The following TAX1BP1 variants were observed in gnomAD, a reference collection of about 807,000 sequenced individuals.
TAX1BP1 encodes Tax1 binding protein 1, also known as tax1-binding protein 1.
Under a neutral mutation model 97.7 loss-of-function variants are expected in TAX1BP1, and 62 were observed. The observed-to-expected ratio is 0.63, with a 90% confidence interval of 0.52 to 0.78. TAX1BP1 has a LOEUF of 0.78. Among genes scored for constraint, TAX1BP1 ranks in the 30% least tolerant of loss-of-function variants. The pLI is 0.00. For synonymous variants in TAX1BP1, 340 were observed against 304.2 expected, an observed-to-expected ratio of 1.12 and a Z score of -1.23; for missense variants, 867 against 916.1, an observed-to-expected ratio of 0.95 and a Z score of 0.69.
intron 5 of TAX1BP1, 23 bp from the exon 6 acceptor site, chr7:27,785,140 A>T: frequency 1.9e-6 from 3 of 1,578,488 alleles, no homozygotes; most frequent in Non-Finnish European, 2.6e-6. Context: ...GTTTTCTCAA[A>T]ATACCTTGTT....
intron 5 of TAX1BP1, among the ~76,000 whole-genome samples, chr7:27,779,027 T>A (rs557494873): frequency 1.1e-3 from 160 of 152,312 alleles, no homozygotes; most frequent in African/African-American, 3.7e-3. Context: ...CTAGGTAACC[T>A]TGAGTCTACT....
intron 8 of TAX1BP1, 131 bp from the exon 9 acceptor site, chr7:27,791,875 C>A: frequency 1.3e-6 from 1 of 760,314 alleles, no homozygotes; most frequent in Non-Finnish European, 2.1e-6. Context: ...TAGGCATATA[C>A]TCTGTAAGTC....
At chr7:27,788,684 G>A (rs1789584071) in intron 8 of TAX1BP1, among the ~76,000 whole-genome samples, 1 of 151,856 alleles carries the variant, frequency 6.6e-6, no homozygotes, top group Admixed American at 6.6e-5. Flanking sequence ...TTAACCAGGG[G>A]AACCTTTTCA....
chr7:27,802,071 G>C (rs550709673), intron 13 of TAX1BP1, among the ~76,000 whole-genome samples: 89 of 152,312 alleles, frequency 5.8e-4, no homozygotes, highest in African/African-American at 1.9e-3. Context: ...AGTGGAGCGC[G>C]TAGTCTGCGA....
chr7:27,781,419 A>G (rs1789251352), intron 5 of TAX1BP1, among the ~76,000 whole-genome samples: 1 of 152,226 alleles, frequency 6.6e-6, no homozygotes. Context: ...ACAAACCTGT[A>G]CAGCATGTTA....
At chr7:27,744,490 C>T (rs1418618843) in intron 1 of TAX1BP1, among the ~76,000 whole-genome samples, 2 of 152,196 alleles carry the variant, frequency 1.3e-5, no homozygotes, top group African/African-American at 4.8e-5. Flanking sequence ...TATTATCACA[C>T]ATAACAAAAT....
intron 13 of TAX1BP1, among the ~76,000 whole-genome samples, chr7:27,812,478 C>G (rs1414464973): frequency 6.6e-6 from 1 of 152,044 alleles, no homozygotes; most frequent in African/African-American, 2.4e-5. Flanking sequence ...AAAGCAAAAG[C>G]CTTGAATTTT....
intron 8 of TAX1BP1, among the ~76,000 whole-genome samples, chr7:27,788,386 A>G (rs1313712478): frequency 6.6e-6 from 1 of 152,022 alleles, no homozygotes; most frequent in Non-Finnish European, 1.5e-5. Context: ...TTATTAAGCA[A>G]TCTGTATAAA....
In TAX1BP1 at chr7:27,758,076, C is replaced by T. The variant is rs11540484; in HGVS notation, c.208C>T (p.Pro70Ser). The change falls in exon 3 of 17, where the codon CCT becomes TCT. Residue 70 changes from proline to serine, a missense_variant. Physicochemically the swap from Pro to Ser is moderately conservative, Grantham distance 74 (BLOSUM62 -1). Transcript: ENST00000396319. ...TGATTATTACACGTTTTTATGGTCCCCTATGCCTGAACATTATGTGGAAGG... is the reference window on the plus strand; with the variant it reads ...TGATTATTACACGTTTTTATGGTCCTCTATGCCTGAACATTATGTGGAAGG... ...ARDYYTFLWS[P>S]MPEHYVEGST... The T allele has an allele frequency of 1.2e-6, 2 of 1,612,084 alleles. No homozygotes were observed. The highest frequency in any genetic ancestry group is 2.7e-5 in the African/African-American group (2 of 74,808).
intron 3 of TAX1BP1, among the ~76,000 whole-genome samples, chr7:27,758,840 A>G (rs977380099): frequency 1.3e-5 from 2 of 152,164 alleles, no homozygotes; most frequent in African/African-American, 4.8e-5. Context: ...TAATGAGGGT[A>G]GAGAGTTTCA....
chr7:27,809,319 CT>C (rs1790463218), intron 13 of TAX1BP1, among the ~76,000 whole-genome samples: 1 of 152,200 alleles, frequency 6.6e-6, no homozygotes, highest in Admixed American at 6.5e-5. Flanking sequence ...TGTTTGATCT[CT>C]GTAGGTGGCC....
chr7:27,808,712 A>G (rs1056915201), intron 13 of TAX1BP1, among the ~76,000 whole-genome samples: 11 of 152,138 alleles, frequency 7.2e-5, no homozygotes, highest in African/African-American at 2.7e-4. Flanking sequence ...GTATTTAGGC[A>G]CCCTGGCAAA....
rs565332199 is a variant in TAX1BP1, at chr7:27,780,803, G to C, written c.613-4360G>C. On this transcript the variant is annotated intron_variant, in intron 5 of 16. Coordinates refer to ENST00000396319, the MANE Select transcript of TAX1BP1 (RefSeq NM_006024.7). ...CTGCTTTACAAAGTAATAGTTTTAA[G>C]AAACTCATAATATATTATTTCTACA... 3.3e-5 allele frequency among the ~76,000 whole-genome samples: 5 copies of C among 152,002 alleles called. No homozygotes were observed. In the South Asian group the frequency reaches 8.3e-4, roughly 25 times the overall value.
chr7:27,824,565 A>T (rs1791099617), intron 15 of TAX1BP1, among the ~76,000 whole-genome samples: 1 of 151,662 alleles, frequency 6.6e-6, no homozygotes, highest in East Asian at 1.9e-4. Flanking sequence ...AAAAAAAAAA[A>T]AAAAAAAATT....
intron 4 of TAX1BP1, 29 bp from the exon 5 acceptor site, chr7:27,769,644 AAAC>A: frequency 6.5e-7 from 1 of 1,546,704 alleles, no homozygotes; most frequent in East Asian, 2.3e-5. Context: ...ATTAAGCAAA[AAAC>A]TAATTAATCT....
intron 8 of TAX1BP1, among the ~76,000 whole-genome samples, chr7:27,790,098 G>A (rs1451325204): frequency 1.3e-5 from 2 of 151,864 alleles, no homozygotes; most frequent in East Asian, 1.9e-4. Flanking sequence ...TCTCAGATAA[G>A]TAAGTTATTA....
chr7:27,826,435 CT>C (rs1002753554), intron 15 of TAX1BP1, among the ~76,000 whole-genome samples: 2 of 152,110 alleles, frequency 1.3e-5, no homozygotes, highest in African/African-American at 4.8e-5. Context: ...ACCATATATA[CT>C]TTTTTTGGTG....
intron 8 of TAX1BP1, among the ~76,000 whole-genome samples, chr7:27,790,996 CTTTTG>C (rs1206135433): frequency 2.2e-4 from 33 of 152,020 alleles, no homozygotes; most frequent in East Asian, 9.6e-4. Flanking sequence ...TGACTTTTGA[CTTTTG>C]TTTTGTTTCT....
At chr7:27,744,544 T>C (rs1462735703) in intron 1 of TAX1BP1, among the ~76,000 whole-genome samples, 2 of 152,244 alleles carry the variant, frequency 1.3e-5, no homozygotes, top group African/African-American at 4.8e-5. Flanking sequence ...GCAAATTATA[T>C]TTAGTATTTA....
Sources: allele counts gnomAD v4.1 joint callset (sites outside exome capture counted in the v4.1 genomes callset), GRCh38; gene constraint gnomAD v4.1.1; transcripts MANE v1.5; gene names NCBI Gene and HGNC (gene_info 2026-07-23, HGNC 2026-07-21).